ACADS: variants seen among roughly 807,000 people sequenced by gnomAD.
ACADS encodes acyl-CoA dehydrogenase short chain, also known as short-chain specific acyl-CoA dehydrogenase, mitochondrial.
ACADS carries 28 observed loss-of-function variants against 46.8 expected under a neutral mutation model. That is an observed-to-expected ratio of 0.60 (90% CI 0.44 to 0.82). The LOEUF (loss-of-function observed/expected upper bound fraction) is 0.82, where lower values mean the gene tolerates loss of function less well. ACADS is among the 40% of genes least tolerant of loss of function. The probability of loss-of-function intolerance (pLI) is 0.00; values close to 1 mark genes in which losing one functional copy is unlikely to be tolerated. For synonymous variants in ACADS, 236 were observed against 237.7 expected (o/e 0.99, Z 0.07); for missense variants, 528 against 578.0 (o/e 0.91, Z 0.89).
At position 120,738,928 on chromosome 12, in the gene ACADS, G is replaced by T. The variant is rs1237429096; in HGVS notation, c.1029+13G>T. 1.2e-6 allele frequency: 2 copies of T among 1,613,070 alleles called. No homozygotes were observed. Among genetic ancestry groups the T allele is most frequent in the African/African-American group, 2.7e-5 (2 of 74,940 alleles). On this transcript the variant is annotated intron_variant, in intron 8 of 9. Coordinates refer to ENST00000242592, the MANE Select transcript of ACADS (RefSeq NM_000017.4). The stretch of plus-strand genomic sequence containing the variant: ...GCCTTTCATCAAGGTGCCCACAGGG[G>T]TCCCCGAGCCATGGCCCAGAATGTG...
Position 120,739,511 on chromosome 12 carries a change from C to A in ACADS, c.*63C>A. The A allele has an allele frequency of 3.2e-6, 5 of 1,575,682 alleles. No individual in the cohort carries two copies. The highest frequency in any genetic ancestry group is 4.3e-6 in the Non-Finnish European group (5 of 1,166,652). On this transcript the variant is annotated 3_prime_UTR_variant, in exon 10 of 10. Transcript: ENST00000242592. The stretch of plus-strand genomic sequence containing the variant: ...GGGAGCCAGGGGCCTCCACCCCAAC[C>A]CCGGCTCAGAGACTGGGCGGCCCGG...
chr12:120,737,521 A>G, intron 4 of ACADS, 54 bp downstream of exon 4: 5 of 1,509,354 alleles, frequency 3.3e-6, no homozygotes, highest in Non-Finnish European at 4.6e-6. Flanking sequence ...AGAGGGGAGG[A>G]GAGGAAGGTG....
intron 2 of ACADS, among the ~76,000 whole-genome samples, chr12:120,730,271 G>A (rs1386634300): frequency 3.3e-5 from 5 of 152,180 alleles, no homozygotes; most frequent in Non-Finnish European, 5.9e-5. Context: ...ATGAGCCACC[G>A]CGCCCAGCTG....
In ACADS at chr12:120,738,416, TG is replaced by T; in HGVS notation, c.766del (p.Glu256SerfsTer8). The T allele has an allele frequency of 2.5e-6, 4 of 1,612,972 alleles. No homozygotes were observed. Among genetic ancestry groups the T allele is most frequent in the East Asian group, 2.2e-5 (1 of 44,872 alleles). ...TGTCGCATCCCCAAGGACAGCATCC[TG>T]GGGGAGCCAGGGATGGGCTTCAAGA... ...EDCRIPKDSI[L>X]GEPGMGFKIA... On this transcript the variant is annotated frameshift_variant, in exon 6 of 10. Coordinates refer to ENST00000242592, the MANE Select transcript of ACADS (RefSeq NM_000017.4). LOFTEE classifies it high-confidence loss of function.
At chr12:120,736,619 T>C (rs1592939083) in intron 2 of ACADS, among the ~76,000 whole-genome samples, 1 of 150,848 alleles carries the variant, frequency 6.6e-6, no homozygotes, top group African/African-American at 2.4e-5. Flanking sequence ...GTGGGGAGGG[T>C]GCGTGTGTGT....
intron 2 of ACADS, 41 bp downstream of exon 2, chr12:120,727,230 C>G (rs750168789): frequency 6.2e-6 from 10 of 1,612,058 alleles, no homozygotes; most frequent in Non-Finnish European, 8.5e-6. Flanking sequence ...GTGGTCTGCC[C>G]TCTGCTACTG....
Position 120,728,958 on chromosome 12 carries a change from G to A in ACADS, c.210+1769G>A, listed in dbSNP as rs1242393474. 6.6e-6 allele frequency among the ~76,000 whole-genome samples: 1 copy of A among 152,156 alleles called. No homozygotes were observed. Among genetic ancestry groups the A allele is most frequent in the Non-Finnish European group, 1.5e-5 (1 of 68,034 alleles). ...CTTACAGTTTCTTACGGTTTCTCTT[G>A]GGAGTCTGGAGACCACCAGGCTCAG... On this transcript the variant is annotated intron_variant, in intron 2 of 9. Coordinates refer to ENST00000242592, the MANE Select transcript of ACADS (RefSeq NM_000017.4). This position sits in a 1 kb window ranked among gnomAD's most constrained non-coding sequence, Gnocchi z 4.0.
chr12:120,727,205 C>T lies in ACADS; in HGVS notation c.210+16C>T, dbSNP rs1366973008. Reference sequence around the variant, plus strand: ...AGCGGCTCAGGTGAGAGTGCAACCTCAGCAGCCCACGATAGTGGTCTGCCC... The same window carrying T: ...AGCGGCTCAGGTGAGAGTGCAACCTTAGCAGCCCACGATAGTGGTCTGCCC... On this transcript the variant is annotated intron_variant, in intron 2 of 9. Coordinates refer to ENST00000242592, the MANE Select transcript of ACADS (RefSeq NM_000017.4). 1 of 1,614,144 alleles carries T rather than the reference C, an allele frequency of 6.2e-7. No homozygotes were observed. The highest frequency in any genetic ancestry group is 1.7e-5 in the Admixed American group (1 of 60,028).
intron 2 of ACADS, among the ~76,000 whole-genome samples, chr12:120,730,655 T>G (rs1309159749): frequency 6.6e-6 from 1 of 152,214 alleles, no homozygotes; most frequent in East Asian, 1.9e-4. Flanking sequence ...CTAGGAGAGT[T>G]TCATCCTTTT....
At chr12:120,726,568 C>T (rs908334827) in intron 1 of ACADS, among the ~76,000 whole-genome samples, 3 of 152,230 alleles carry the variant, frequency 2.0e-5, no homozygotes, top group Non-Finnish European at 4.4e-5. Context: ...GTCTTTCTTT[C>T]GCACTCCGAG....
At chr12:120,739,076 G>T (rs190464662) in intron 8 of ACADS, 64 bp from the exon 9 acceptor site, 570 of 1,605,868 alleles carry the variant, frequency 3.5e-4, no homozygotes, top group Non-Finnish European at 4.6e-4. Flanking sequence ...TGCTGAGGGA[G>T]TGGGGGAGCA....
intron 2 of ACADS, among the ~76,000 whole-genome samples, chr12:120,731,845 G>A (rs1883259045): frequency 6.6e-6 from 1 of 151,922 alleles, no homozygotes. Context: ...GACTCTTAAG[G>A]AGCATGCTGC....
In ACADS at chr12:120,737,884, G is replaced by A; in HGVS notation, c.520G>A (p.Gly174Ser). Residue 174 changes from glycine to serine, a missense_variant, in exon 5 of 10, where the codon GGC becomes AGC. By Grantham distance (56) the Gly-to-Ser change is moderately conservative. Transcript: ENST00000242592. ...TGCGTCCACCACCGCCCGGGCCGAG[G>A]GCGACTCATGGGTTCTGAATGGAAC... ...GAASTTARAE[G>S]DSWVLNGTKA... is the part of the protein sequence containing the mutation. 1 of 1,614,112 alleles carries A rather than the reference G, an allele frequency of 6.2e-7. No individual in the cohort carries two copies. The highest frequency in any genetic ancestry group is 8.5e-7 in the Non-Finnish European group (1 of 1,179,988).
Position 120,737,414 on chromosome 12 carries a change from T to A in ACADS, c.419T>A (p.Val140Asp). 6.2e-7 allele frequency: 1 copy of A among 1,614,188 alleles called. No individual in the cohort carries two copies. The highest frequency in any genetic ancestry group is 8.5e-7 in the Non-Finnish European group (1 of 1,180,034). The change falls in exon 4 of 10, where the codon GTC (valine) becomes GAC (aspartate). Residue 140 changes from valine (V) to aspartate (D), a missense_variant. Coordinates refer to ENST00000242592, the MANE Select transcript of ACADS (RefSeq NM_000017.4). ...FGSKEQKQAWVTPFTSGDKIG... is the reference protein window; with the variant it reads ...FGSKEQKQAWDTPFTSGDKIG... ...TCCAAGGAGCAGAAGCAGGCGTGGG[T>A]CACGCCTTTCACCAGTGGTGACAAA...
rs1290819480 is a variant in ACADS, at chr12:120,737,901, G to C, written c.537G>C (p.Leu179=). Residue 179 remains leucine (L), a synonymous_variant, in exon 5 of 10, where the codon CTG becomes CTC. Coordinates refer to ENST00000242592, the MANE Select transcript of ACADS (RefSeq NM_000017.4). ...TARAEGDSWV[L]NGTKAWITNA... ...GGGCCGAGGGCGACTCATGGGTTCTGAATGGAACCAAAGCCTGGATCACCA... is the reference window on the plus strand; with the variant it reads ...GGGCCGAGGGCGACTCATGGGTTCTCAATGGAACCAAAGCCTGGATCACCA... 6.2e-7 allele frequency: 1 copy of C among 1,614,050 alleles called. No individual in the cohort carries two copies. Among genetic ancestry groups the C allele is most frequent in the Non-Finnish European group, 8.5e-7 (1 of 1,180,034 alleles).
chr12:120,732,737 A>G (rs983972453), intron 2 of ACADS, among the ~76,000 whole-genome samples: 1 of 146,378 alleles, frequency 6.8e-6, no homozygotes, highest in Non-Finnish European at 1.5e-5. Flanking sequence ...CACTTCCCAG[A>G]CTGGGCAGCC....
rs1477750905 is a variant in ACADS at position 120,728,266 on chromosome 12, CCT to C, written c.210+1078_210+1079del. Among the ~76,000 whole-genome samples the C allele has an allele frequency of 2.0e-5, 3 of 151,760 alleles. No individual in the cohort carries two copies. Among genetic ancestry groups the C allele is most frequent in the Non-Finnish European group, 2.9e-5 (2 of 67,920 alleles). On this transcript the variant is annotated intron_variant, in intron 2 of 9. Coordinates refer to ENST00000242592, the MANE Select transcript of ACADS (RefSeq NM_000017.4). The surrounding 1 kb of genome is among the most constrained non-coding windows in gnomAD (Gnocchi z 4.0). ...CCGGCCTGCTTGAACTGTTTTCTCC[CCT>C]GAGTTTCCCATCAGCGCGCTCCCTC... is the stretch of plus-strand genomic sequence containing the variant.
At chr12:120,735,749 A>T (rs1272430945) in intron 2 of ACADS, among the ~76,000 whole-genome samples, 1 of 151,756 alleles carries the variant, frequency 6.6e-6, no homozygotes, top group African/African-American at 2.4e-5. Flanking sequence ...AAATACAAAA[A>T]TTAGCTGGGC....
Position 120,728,295 on chromosome 12 carries a change from C to T in ACADS, c.210+1106C>T, listed in dbSNP as rs932902298. On this transcript the variant is annotated intron_variant, in intron 2 of 9. Transcript: ENST00000242592. This position sits in a 1 kb window ranked among gnomAD's most constrained non-coding sequence, Gnocchi z 4.0. ...AGTTTCCCATCAGCGCGCTCCCTCC[C>T]GTGCCACTGTGTTCTTCCATTTGCA... Among the ~76,000 whole-genome samples the T allele has an allele frequency of 2.6e-5, 4 of 152,030 alleles. No homozygotes were observed. The highest frequency in any genetic ancestry group is 4.1e-4 in the South Asian group (2 of 4,820).
Sources: allele counts gnomAD v4.1 joint callset (sites outside exome capture counted in the v4.1 genomes callset), GRCh38; gene constraint gnomAD v4.1.1; non-coding constraint Gnocchi (gnomAD v3.1); transcripts MANE v1.5; gene names NCBI Gene and HGNC (gene_info 2026-07-23, HGNC 2026-07-21).